The following TXNRD1 variants were observed in gnomAD, a reference collection of about 807,000 sequenced individuals.
TXNRD1 encodes thioredoxin reductase 1.
A neutral mutation model predicts 80.3 loss-of-function variants in TXNRD1; 57 were observed. The observed-to-expected ratio is 0.71, with a 90% CI of 0.57 to 0.89. The LOEUF (loss-of-function observed/expected upper bound fraction) is 0.89, where lower values mean the gene tolerates loss of function less well. Ranked by LOEUF, TXNRD1 falls within the 40% of genes least tolerant of loss-of-function variation. The pLI, the probability that TXNRD1 is intolerant of heterozygous loss-of-function variation, is 0.00. For missense variants in TXNRD1, 730 were observed against 803.0 expected, an observed-to-expected ratio of 0.91 and a Z score of 1.10; for synonymous variants, 291 against 285.2, an observed-to-expected ratio of 1.02 and a Z score of -0.20.
intron 3 of TXNRD1, among the ~76,000 whole-genome samples, chr12:104,267,615 A>G (rs1414611082): frequency 6.7e-6 from 1 of 149,036 alleles, no homozygotes; most frequent in Non-Finnish European, 1.5e-5. Context: ...CATGGTGTTG[A>G]TATCATGATA....
At chr12:104,242,529 C>T (rs912890823) in intron 1 of TXNRD1, among the ~76,000 whole-genome samples, 1 of 149,568 alleles carries the variant, frequency 6.7e-6, no homozygotes, top group Admixed American at 6.7e-5. Context: ...GCATGGGCGA[C>T]AAGAGTGAAA....
At chr12:104,245,234 C>T (rs901872723) in intron 1 of TXNRD1, among the ~76,000 whole-genome samples, 18 of 151,356 alleles carry the variant, frequency 1.2e-4, no homozygotes, top group Admixed American at 1.2e-3. Flanking sequence ...AGTTAAGGCT[C>T]GGCGCGGTGG....
intron 15 of TXNRD1, among the ~76,000 whole-genome samples, chr12:104,337,969 T>C (rs1186176806): frequency 6.8e-6 from 1 of 148,086 alleles, no homozygotes; most frequent in Non-Finnish European, 1.5e-5. Flanking sequence ...TTTTTTTTTT[T>C]TTTTTCCTGT....
intron 16 of TXNRD1, among the ~76,000 whole-genome samples, chr12:104,345,394 TTGACTC>T (rs1593889476): frequency 6.6e-6 from 1 of 152,230 alleles, no homozygotes; most frequent in East Asian, 1.9e-4. Flanking sequence ...AGAGCAGTCT[TTGACTC>T]TGAGGAGTAA....
intron 4 of TXNRD1, 80 bp downstream of exon 4, chr12:104,289,120 C>T (rs1455405408): frequency 3.0e-5 from 46 of 1,518,230 alleles, no homozygotes; most frequent in Non-Finnish European, 8.9e-7. Context: ...CTTTTAAAGC[C>T]AGCGTGGATG....
At position 104,336,982 on chromosome 12, in the gene TXNRD1, A is replaced by G; in HGVS notation, c.1747-2157A>G. Among the ~76,000 whole-genome samples the G allele has an allele frequency of 1.3e-5, 2 of 148,448 alleles. 1 individual carries two copies. The highest frequency in any genetic ancestry group is 3.1e-5 in the Non-Finnish European group (2 of 65,294). ...GTCTTCTGTCTTCCTTCACTTCAAAAGGTAAAACTTTGAAGTCGAAGGGTC... is the reference window on the plus strand; with the variant it reads ...GTCTTCTGTCTTCCTTCACTTCAAAGGGTAAAACTTTGAAGTCGAAGGGTC... On this transcript the variant is annotated intron_variant, in intron 15 of 16. Coordinates refer to ENST00000525566, the MANE Select transcript of TXNRD1 (RefSeq NM_001093771.3).
Position 104,240,988 on chromosome 12 carries a change from G to A in TXNRD1, c.92-10539G>A, listed in dbSNP as rs1168451056. Among the ~76,000 whole-genome samples the A allele has an allele frequency of 5.3e-5, 8 of 151,458 alleles. No individual in the cohort carries two copies. The East Asian group carries it at 1.2e-3, about 22-fold the overall frequency. ...GATCTCCTGACTTCGTGATCCGCCCGCCTCGGCCTCTCAAAGTGTTGGGAT... is the reference window on the plus strand; with the variant it reads ...GATCTCCTGACTTCGTGATCCGCCCACCTCGGCCTCTCAAAGTGTTGGGAT... On this transcript the variant is annotated intron_variant, in intron 1 of 16. Transcript: ENST00000525566.
chr12:104,338,639 G>A (rs181803988), intron 15 of TXNRD1, among the ~76,000 whole-genome samples: 1 of 151,690 alleles, frequency 6.6e-6, no homozygotes, highest in Non-Finnish European at 1.5e-5. Flanking sequence ...GGAGGTTGCG[G>A]TGAGTGGAGA....
chr12:104,313,022 C>G (rs562147941), intron 5 of TXNRD1, among the ~76,000 whole-genome samples: 3 of 152,118 alleles, frequency 2.0e-5, no homozygotes, highest in Admixed American at 2.0e-4. Flanking sequence ...TTTTACTACT[C>G]TATTCTGCAT....
At chr12:104,294,311 C>CCACGA (rs1214659444) in intron 4 of TXNRD1, among the ~76,000 whole-genome samples, 1 of 149,422 alleles carries the variant, frequency 6.7e-6, no homozygotes, top group Non-Finnish European at 1.5e-5. Flanking sequence ...TACTGCTGGA[C>CCACGA]CACGATCCTC....
intron 16 of TXNRD1, among the ~76,000 whole-genome samples, chr12:104,347,324 A>G (rs1016940895): frequency 6.6e-6 from 1 of 152,122 alleles, no homozygotes; most frequent in Non-Finnish European, 1.5e-5. Flanking sequence ...CAGACTAAAG[A>G]CTTTTCTCAG....
intron 4 of TXNRD1, 189 bp downstream of exon 4, chr12:104,289,229 A>C: frequency 7.7e-6 from 4 of 518,854 alleles, no homozygotes; most frequent in Non-Finnish European, 1.3e-5. Flanking sequence ...GACAAATTTC[A>C]CATCTCGGGA....
intron 3 of TXNRD1, among the ~76,000 whole-genome samples, chr12:104,264,422 C>A (rs2033431607): frequency 6.6e-6 from 1 of 152,174 alleles, no homozygotes; most frequent in Non-Finnish European, 1.5e-5. Context: ...GGCTTTCTCC[C>A]ATAGCGAATG....
At chr12:104,223,781 G>T (rs1396075266) in intron 1 of TXNRD1, among the ~76,000 whole-genome samples, 2 of 152,204 alleles carry the variant, frequency 1.3e-5, no homozygotes, top group Admixed American at 1.3e-4. Flanking sequence ...GGTGGGGACT[G>T]GTGAGGAGGG....
At chr12:104,218,025 C>A (rs536251001) in intron 1 of TXNRD1, among the ~76,000 whole-genome samples, 1 of 151,936 alleles carries the variant, frequency 6.6e-6, no homozygotes, top group South Asian at 2.1e-4. Context: ...TATACACACA[C>A]ACACCACATT....
intron 1 of TXNRD1, among the ~76,000 whole-genome samples, chr12:104,247,937 T>C (rs1239525178): frequency 2.6e-5 from 4 of 152,210 alleles, no homozygotes; most frequent in Admixed American, 2.6e-4. Context: ...GACCTCAGTT[T>C]CCTCATCAGT....
At position 104,304,119 on chromosome 12, in the gene TXNRD1, C is replaced by T. The variant is rs1482549757; in HGVS notation, c.415-7171C>T. On this transcript the variant is annotated intron_variant, in intron 4 of 16. Coordinates refer to ENST00000525566, the MANE Select transcript of TXNRD1 (RefSeq NM_001093771.3). ...AACCGGGAGGACATCGTGAGCTCGGCGAACAACTCCTTAACCGAGGCTCTG... is the reference window on the plus strand; with the variant it reads ...AACCGGGAGGACATCGTGAGCTCGGTGAACAACTCCTTAACCGAGGCTCTG... 3 of 1,614,010 alleles carry T rather than the reference C, an allele frequency of 1.9e-6. No individual in the cohort carries two copies. The highest frequency in any genetic ancestry group is 3.3e-5 in the Admixed American group (2 of 60,026).
At position 104,348,488 on chromosome 12, in the gene TXNRD1, C is replaced by T. The variant is rs2036562366; in HGVS notation, c.*67C>T. 1.8e-5 allele frequency: 28 copies of T among 1,534,532 alleles called. No homozygotes were observed. The highest frequency in any genetic ancestry group is 3.4e-4 in the Middle Eastern group (2 of 5,878). On this transcript the variant is annotated 3_prime_UTR_variant, in exon 17 of 17. Coordinates refer to ENST00000525566, the MANE Select transcript of TXNRD1 (RefSeq NM_001093771.3). Reference sequence around the variant, plus strand: ...CTCGTTTCCGTGCCCAAATCCAAGGCGAAGTTTTCTAGAGGGTTCTTGGGC... The same window carrying T: ...CTCGTTTCCGTGCCCAAATCCAAGGTGAAGTTTTCTAGAGGGTTCTTGGGC...
chr12:104,311,083 C>T (rs551680508), intron 4 of TXNRD1, among the ~76,000 whole-genome samples: 2 of 152,214 alleles, frequency 1.3e-5, no homozygotes, highest in East Asian at 1.9e-4. Context: ...TAGCAGTGAC[C>T]GTCTTTGGGG....
Sources: gnomAD v4.1 joint callset for allele counts (sites outside exome capture counted in the v4.1 genomes callset) on GRCh38, gnomAD v4.1.1 for gene constraint, MANE v1.5 for transcripts, NCBI Gene and HGNC (gene_info 2026-07-23, HGNC 2026-07-21) for gene names.